Variants in ASTN2 observed in about 807,000 individuals in gnomAD.
ASTN2 encodes astrotactin 2.
Under a neutral mutation model 139.8 loss-of-function variants are expected in ASTN2, and 54 were observed. The ratio of observed to expected loss-of-function variants is 0.39; its 90% CI spans 0.31 to 0.48. The LOEUF is 0.48. Among genes scored for constraint, ASTN2 ranks in the 20% least tolerant of loss-of-function variants. ASTN2 has a pLI of 0.95. For synonymous variants in ASTN2, 756 were observed against 719.5 expected (o/e 1.05, Z -0.81); for missense variants, 1,565 against 1,725.1 (o/e 0.91, Z 1.64).
At chr9:116,838,395 G>A (rs995286537) in intron 11 of ASTN2, among the ~76,000 whole-genome samples, 3 of 150,766 alleles carry the variant, frequency 2.0e-5, no homozygotes, top group African/African-American at 7.3e-5. Flanking sequence ...ACAGCTGTGA[G>A]GCACCGCACC....
intron 16 of ASTN2, among the ~76,000 whole-genome samples, chr9:116,657,298 G>A (rs1196922302): frequency 1.3e-5 from 2 of 151,858 alleles, no homozygotes; most frequent in African/African-American, 4.9e-5. Flanking sequence ...GTTATTGTGA[G>A]GATTAAGTAA....
intron 19 of ASTN2, among the ~76,000 whole-genome samples, chr9:116,604,744 A>G (rs60294993): frequency 0.023 from 3,573 of 152,250 alleles, 130 homozygotes; most frequent in African/African-American, 0.082. Context: ...TATTCCTCAT[A>G]CAAATTCACC....
intron 1 of ASTN2, among the ~76,000 whole-genome samples, chr9:117,334,168 G>A (rs1237514849): frequency 6.6e-6 from 1 of 152,176 alleles, no homozygotes; most frequent in African/African-American, 2.4e-5. Flanking sequence ...TCAGTAGGGG[G>A]CTACAGTTGG....
intron 2 of ASTN2, among the ~76,000 whole-genome samples, chr9:117,268,356 C>T (rs757106300): frequency 6.6e-6 from 1 of 152,180 alleles, no homozygotes; most frequent in African/African-American, 2.4e-5. Context: ...GACTTACCAG[C>T]ATCATCTTCT....
intron 10 of ASTN2, among the ~76,000 whole-genome samples, chr9:116,929,411 G>A (rs1834841208): frequency 6.6e-6 from 1 of 152,124 alleles, no homozygotes; most frequent in African/African-American, 2.4e-5. Flanking sequence ...TATTGATGCT[G>A]CAGAGTCAAT....
chr9:117,097,071 T>C (rs1367757292), intron 4 of ASTN2, among the ~76,000 whole-genome samples: 2 of 152,142 alleles, frequency 1.3e-5, no homozygotes, highest in East Asian at 1.9e-4. Context: ...ACTCCAGTGG[T>C]ACCTAGGCTG....
At chr9:116,756,014 G>A (rs1293755670) in intron 13 of ASTN2, among the ~76,000 whole-genome samples, 9 of 152,220 alleles carry the variant, frequency 5.9e-5, no homozygotes, top group Non-Finnish European at 1.3e-4. Flanking sequence ...CTCCAGAACT[G>A]TGAGTGAATA....
At chr9:117,063,802 G>C (rs1839368665) in intron 5 of ASTN2, among the ~76,000 whole-genome samples, 1 of 152,114 alleles carries the variant, frequency 6.6e-6, no homozygotes, top group Non-Finnish European at 1.5e-5. Context: ...TAGCAAGCCA[G>C]TGGGCTCCTA....
At chr9:117,035,881 T>C (rs1838370757) in intron 6 of ASTN2, among the ~76,000 whole-genome samples, 1 of 152,220 alleles carries the variant, frequency 6.6e-6, no homozygotes, top group African/African-American at 2.4e-5. Flanking sequence ...GTATTCCCTT[T>C]TCCATTCACC....
At chr9:116,683,150 T>C (rs1588190656) in intron 16 of ASTN2, among the ~76,000 whole-genome samples, 1 of 152,072 alleles carries the variant, frequency 6.6e-6, no homozygotes, top group East Asian at 1.9e-4. Flanking sequence ...GATGGTTTTA[T>C]AATCAGCTAT....
chr9:116,439,876 T>C (rs966492661), intron 22 of ASTN2, among the ~76,000 whole-genome samples: 27 of 152,262 alleles, frequency 1.8e-4, no homozygotes, highest in African/African-American at 5.8e-4. Context: ...TGCCTGTTTA[T>C]GCAACAAGAA....
At chr9:116,948,790 T>TTTTTG (rs1835473583) in intron 10 of ASTN2, among the ~76,000 whole-genome samples, 1 of 114,030 alleles carries the variant, frequency 8.8e-6, no homozygotes, top group East Asian at 2.3e-4. Flanking sequence ...TTGGTGTTTT[T>TTTTTG]TTTTTTTTTT....
At chr9:116,688,136 G>T (rs1368047488) in intron 16 of ASTN2, among the ~76,000 whole-genome samples, 1 of 152,092 alleles carries the variant, frequency 6.6e-6, no homozygotes, top group African/African-American at 2.4e-5. Flanking sequence ...GCGGGGCTGA[G>T]TGTGGCAGAG....
intron 1 of ASTN2, among the ~76,000 whole-genome samples, chr9:117,298,670 GTATATA>G (rs148601803): frequency 6.4e-4 from 88 of 136,468 alleles, no homozygotes; most frequent in African/African-American, 2.1e-3. Context: ...ATATATATGT[GTATATA>G]TATATATATA....
intron 16 of ASTN2, among the ~76,000 whole-genome samples, chr9:116,675,858 C>T (rs182919731): frequency 5.9e-5 from 9 of 152,280 alleles, no homozygotes; most frequent in African/African-American, 2.2e-4. Flanking sequence ...GTCATGCCTT[C>T]CCACCTGGAG....
rs763077693 is a variant in ASTN2, at chr9:116,686,793, G to A, written c.2807-35000C>T. On this transcript the variant is annotated intron_variant, in intron 16 of 22. Coordinates refer to ENST00000313400, the MANE Select transcript of ASTN2 (RefSeq NM_001365068.1). ...AGTAGGCAAAACATTCCTTTACAGA[G>A]CAATGTGTTCATGGATAAACTTGTC... The A allele has an allele frequency of 8.4e-6, 13 of 1,550,662 alleles. No individual in the cohort carries two copies. In the Middle Eastern group the frequency reaches 1.3e-3, roughly 159 times the overall value.
At chr9:116,590,091 G>A (rs2131730641) in intron 19 of ASTN2, among the ~76,000 whole-genome samples, 1 of 152,308 alleles carries the variant, frequency 6.6e-6, no homozygotes, top group East Asian at 1.9e-4. Flanking sequence ...GATGCAGCAG[G>A]GGCTGAGTGC....
chr9:116,448,939 A>C lies in ASTN2; in HGVS notation c.3498-6386T>G, dbSNP rs143667357. Among the ~76,000 whole-genome samples the C allele has an allele frequency of 2.9e-3, 447 of 152,262 alleles. 2 individuals are homozygous for C. The highest frequency in any genetic ancestry group is 0.014 in the Admixed American group (211 of 15,296). On this transcript the variant is annotated intron_variant, in intron 20 of 22. Coordinates refer to ENST00000313400, the MANE Select transcript of ASTN2 (RefSeq NM_001365068.1). Reference sequence around the variant, plus strand: ...TCTCATTCTGAACCCAGCTCCACTCAAGTAGTAGAAAGAGTGTTTCTGCTT... The same window carrying C: ...TCTCATTCTGAACCCAGCTCCACTCCAGTAGTAGAAAGAGTGTTTCTGCTT...
At chr9:116,788,399 A>ATT (rs1830436787) in intron 13 of ASTN2, among the ~76,000 whole-genome samples, 22 of 152,220 alleles carry the variant, frequency 1.4e-4, no homozygotes, top group Non-Finnish European at 2.5e-4. Flanking sequence ...TTCCACAGTG[A>ATT]GCACATATGT....
Sources: gnomAD v4.1 joint callset for allele counts (sites outside exome capture counted in the v4.1 genomes callset) on GRCh38, gnomAD v4.1.1 for gene constraint, MANE v1.5 for transcripts, NCBI Gene and HGNC (gene_info 2026-07-23, HGNC 2026-07-21) for gene names.